The following UBE2D1 variants were observed in gnomAD, a reference collection of about 807,000 sequenced individuals.
UBE2D1 encodes the protein ubiquitin conjugating enzyme E2 D1, also known as ubiquitin-conjugating enzyme E2 D1.
UBE2D1 carries 9 observed loss-of-function variants against 24.6 expected under a neutral mutation model. That is an observed-to-expected ratio of 0.37 (90% CI 0.22 to 0.64). The LOEUF is 0.64. Ranked by LOEUF, UBE2D1 falls within the 30% of genes least tolerant of loss-of-function variation. The probability of loss-of-function intolerance (pLI) is 0.64; values close to 1 mark genes in which losing one functional copy is unlikely to be tolerated. For missense variants in UBE2D1, 87 were observed against 177.1 expected, an observed-to-expected ratio of 0.49 and a Z score of 2.89; for synonymous variants, 57 against 57.6, an observed-to-expected ratio of 0.99 and a Z score of 0.04.
intron 4 of UBE2D1, chr10:58,364,391 A>G (rs1840233618): frequency 6.4e-6 from 1 of 157,060 alleles, no homozygotes; most frequent in South Asian, 2.0e-4. Flanking sequence ...TTTTAGATCC[A>G]AATGTTACTT....
chr10:58,342,374 G>A (rs1839970570), intron 1 of UBE2D1, among the ~76,000 whole-genome samples: 2 of 152,064 alleles, frequency 1.3e-5, no homozygotes, highest in South Asian at 2.1e-4. Flanking sequence ...AACTTCTCCA[G>A]TGGGGGTGAG....
intron 4 of UBE2D1, 72 bp downstream of exon 4, chr10:58,363,758 T>A: frequency 8.8e-7 from 1 of 1,135,754 alleles, no homozygotes; most frequent in South Asian, 1.4e-5. Flanking sequence ...CTCATTTGAT[T>A]ATCTAGAGCT....
At chr10:58,361,664 G>A in intron 3 of UBE2D1, 138 bp downstream of exon 3, 2 of 1,169,240 alleles carry the variant, frequency 1.7e-6, no homozygotes, top group Non-Finnish European at 2.4e-6. Context: ...ATATTATTAA[G>A]GATTTACAAT....
Sources: gnomAD v4.1 joint callset for allele counts (sites outside exome capture counted in the v4.1 genomes callset) on GRCh38, gnomAD v4.1.1 for gene constraint, MANE v1.5 for transcripts, NCBI Gene and HGNC (gene_info 2026-07-23, HGNC 2026-07-21) for gene names.